Variants in ASIC2 observed in about 807,000 individuals in gnomAD.
ASIC2 encodes the protein acid-sensing ion channel 2.
ASIC2 carries 25 observed loss-of-function variants against 57.3 expected under a neutral mutation model. That is an observed-to-expected ratio of 0.44 (90% CI 0.32 to 0.61). The LOEUF is 0.61. Ranked by LOEUF, ASIC2 falls within the 20% of genes least tolerant of loss-of-function variation. The pLI, the probability that ASIC2 is intolerant of heterozygous loss-of-function variation, is 0.06. For missense variants in ASIC2, 641 were observed against 738.1 expected (o/e 0.87, Z 1.52); for synonymous variants, 319 against 307.5 (o/e 1.04, Z -0.39).
chr17:33,739,717 G>A (rs1910035925), intron 1 of ASIC2, among the ~76,000 whole-genome samples: 1 of 151,746 alleles, frequency 6.6e-6, no homozygotes, highest in South Asian at 2.1e-4. Context: ...GGCTAGGAGA[G>A]GGGATAAAAC....
chr17:33,230,023 G>T (rs1192201093), intron 1 of ASIC2, among the ~76,000 whole-genome samples: 4 of 152,184 alleles, frequency 2.6e-5, no homozygotes, highest in African/African-American at 9.7e-5. Flanking sequence ...ACTGTGCCAG[G>T]CAGCCAAGGA....
At chr17:33,884,706 AC>A (rs1914786033) in intron 1 of ASIC2, among the ~76,000 whole-genome samples, 1 of 151,200 alleles carries the variant, frequency 6.6e-6, no homozygotes, top group Non-Finnish European at 1.5e-5. Context: ...ACATTCAGAT[AC>A]CCCCCACCCC....
intron 1 of ASIC2, among the ~76,000 whole-genome samples, chr17:33,912,439 G>A (rs12603007): frequency 0.081 from 12,317 of 151,880 alleles, 893 homozygotes; most frequent in East Asian, 0.27. Context: ...CTGAGATGGC[G>A]CCACTGCACT....
At chr17:33,817,059 G>A (rs1912604433) in intron 1 of ASIC2, among the ~76,000 whole-genome samples, 1 of 152,218 alleles carries the variant, frequency 6.6e-6, no homozygotes, top group Admixed American at 6.5e-5. Flanking sequence ...CAGCGGGGCT[G>A]CACACTGGAA....
At chr17:33,520,654 C>T (rs1340305345) in intron 1 of ASIC2, among the ~76,000 whole-genome samples, 2 of 152,238 alleles carry the variant, frequency 1.3e-5, no homozygotes, top group African/African-American at 2.4e-5. Context: ...GATCCCCTTA[C>T]CCACGGACAG....
intron 1 of ASIC2, among the ~76,000 whole-genome samples, chr17:33,831,965 A>G (rs971599473): frequency 4.6e-5 from 7 of 152,074 alleles, no homozygotes; most frequent in African/African-American, 1.7e-4. Context: ...GTCCTTTTTC[A>G]TTTTTACCCT....
At chr17:34,102,829 A>T (rs988630228) in intron 1 of ASIC2, among the ~76,000 whole-genome samples, 1 of 152,170 alleles carries the variant, frequency 6.6e-6, no homozygotes, top group African/African-American at 2.4e-5. Context: ...TTTCTCTTGG[A>T]TTAAGGAGTG....
intron 1 of ASIC2, among the ~76,000 whole-genome samples, chr17:33,703,512 C>T (rs1202976928): frequency 1.3e-5 from 2 of 152,024 alleles, no homozygotes; most frequent in Non-Finnish European, 2.9e-5. Context: ...GCCACCATGC[C>T]CGACTAATTT....
At chr17:33,185,412 A>T (rs1224209896) in intron 1 of ASIC2, among the ~76,000 whole-genome samples, 1 of 152,210 alleles carries the variant, frequency 6.6e-6, no homozygotes, top group East Asian at 1.9e-4. Flanking sequence ...CTTAGCTCAC[A>T]TAAGAAACCT....
chr17:33,878,224 C>A (rs441891), intron 1 of ASIC2, among the ~76,000 whole-genome samples: 1 of 152,172 alleles, frequency 6.6e-6, no homozygotes, highest in East Asian at 1.9e-4. Context: ...AAGGAACACA[C>A]CTCCTCACCA....
At chr17:33,277,076 G>A (rs1309889996) in intron 1 of ASIC2, among the ~76,000 whole-genome samples, 1 of 152,130 alleles carries the variant, frequency 6.6e-6, no homozygotes, top group East Asian at 1.9e-4. Flanking sequence ...GCCAGAATCC[G>A]CATTTTTGCA....
At chr17:33,179,485 C>T (rs1209723795) in intron 1 of ASIC2, among the ~76,000 whole-genome samples, 2 of 152,194 alleles carry the variant, frequency 1.3e-5, no homozygotes, top group African/African-American at 4.8e-5. Context: ...CTTTACCTGG[C>T]AGGCTTTTGT....
In ASIC2 at chr17:33,472,811, G is replaced by A. The variant is rs150347666; in HGVS notation, c.556-360744C>T. On this transcript the variant is annotated intron_variant, in intron 1 of 9. Transcript: ENST00000359872. ...CACTCTGGTAACTGACAAGGGATGA[G>A]TTTGGTGGGGTGGTGGGGTTTTGGC... 1.3e-3 allele frequency among the ~76,000 whole-genome samples: 205 copies of A among 152,274 alleles called. 2 individuals are homozygous for A. Among genetic ancestry groups the A allele is most frequent in the African/African-American group, 4.7e-3 (196 of 41,550 alleles).
At chr17:33,772,300 C>T (rs537966415) in intron 1 of ASIC2, among the ~76,000 whole-genome samples, 1 of 152,232 alleles carries the variant, frequency 6.6e-6, no homozygotes, top group Non-Finnish European at 1.5e-5. Context: ...GACAGGCCAG[C>T]CTTGCTGGGT....
intron 1 of ASIC2, among the ~76,000 whole-genome samples, chr17:33,820,251 A>T (rs1004584702): frequency 5.9e-5 from 9 of 152,206 alleles, no homozygotes; most frequent in Non-Finnish European, 5.9e-5. Context: ...TCCCTTTTCA[A>T]CTATGATGTT....
intron 1 of ASIC2, among the ~76,000 whole-genome samples, chr17:33,541,820 G>C (rs561014706): frequency 6.6e-6 from 1 of 151,856 alleles, no homozygotes; most frequent in Non-Finnish European, 1.5e-5. Context: ...CAGGTGCTCT[G>C]CTTCCATGCA....
intron 1 of ASIC2, among the ~76,000 whole-genome samples, chr17:33,905,067 T>C (rs1449787948): frequency 6.6e-6 from 1 of 151,912 alleles, no homozygotes; most frequent in South Asian, 2.1e-4. Context: ...AAATGTTTCT[T>C]ATGGAATAAA....
chr17:33,283,474 A>C (rs963899970), intron 1 of ASIC2, among the ~76,000 whole-genome samples: 15 of 152,196 alleles, frequency 9.9e-5, no homozygotes, highest in African/African-American at 3.4e-4. Flanking sequence ...AGCCCCCTTA[A>C]GGACTTTGCA....
At chr17:33,188,304 A>G (rs933206621) in intron 1 of ASIC2, among the ~76,000 whole-genome samples, 2 of 152,172 alleles carry the variant, frequency 1.3e-5, no homozygotes. Context: ...AATAAAAATA[A>G]TGGAGTATCT....
Sources: allele counts gnomAD v4.1 joint callset (sites outside exome capture counted in the v4.1 genomes callset), GRCh38; gene constraint gnomAD v4.1.1; transcripts MANE v1.5; gene names NCBI Gene and HGNC (gene_info 2026-07-23, HGNC 2026-07-21).